Variants in NELL2 observed in about 807,000 individuals in gnomAD.
NELL2 encodes neural EGFL like 2.
Under a neutral mutation model 109.6 loss-of-function variants are expected in NELL2, and 41 were observed. That is an observed-to-expected ratio of 0.37 (90% CI 0.29 to 0.49). The LOEUF is 0.49. Ranked by LOEUF, NELL2 falls within the 20% of genes least tolerant of loss-of-function variation. NELL2 has a pLI of 0.98. For missense variants in NELL2, 900 were observed against 1,008.3 expected (o/e 0.89, Z 1.45); for synonymous variants, 355 against 344.7 (o/e 1.03, Z -0.33).
At chr12:44,769,993 T>C (rs1363288582) in intron 9 of NELL2, among the ~76,000 whole-genome samples, 1 of 152,130 alleles carries the variant, frequency 6.6e-6, no homozygotes, top group Non-Finnish European at 1.5e-5. Context: ...GAGAGTGGTC[T>C]TGGGGAAATC....
Position 44,570,104 on chromosome 12 carries a change from T to C in NELL2, c.1663+37065A>G, listed in dbSNP as rs143025070. On this transcript the variant is annotated intron_variant, in intron 15 of 19. Coordinates refer to ENST00000429094, the MANE Select transcript of NELL2 (RefSeq NM_001145108.2). ...CTATGGAAAACCAATTTAGTTTCAT[T>C]AATGAAAAGGAAGCACAATGTGATT... Among the ~76,000 whole-genome samples the C allele has an allele frequency of 3.9e-3, 590 of 152,320 alleles. 7 individuals are homozygous for C. The highest frequency in any genetic ancestry group is 0.013 in the African/African-American group (560 of 41,580).
At chr12:44,787,105 A>G (rs2136617958) in intron 3 of NELL2, among the ~76,000 whole-genome samples, 1 of 152,308 alleles carries the variant, frequency 6.6e-6, no homozygotes, top group Admixed American at 6.5e-5. Flanking sequence ...TGACATATAA[A>G]AATAATTATA....
intron 8 of NELL2, 118 bp downstream of exon 8, chr12:44,775,904 T>C (rs1041441146): frequency 1.1e-5 from 13 of 1,145,840 alleles, no homozygotes; most frequent in East Asian, 5.1e-5. Context: ...GTTGACACTT[T>C]AGTGTTGTGT....
intron 9 of NELL2, among the ~76,000 whole-genome samples, chr12:44,747,880 C>T (rs1020668676): frequency 6.6e-6 from 1 of 152,070 alleles, no homozygotes; most frequent in Non-Finnish European, 1.5e-5. Flanking sequence ...GCAGAGGAAA[C>T]CTGCATGCTA....
chr12:44,659,051 T>G (rs1456946842), intron 13 of NELL2, among the ~76,000 whole-genome samples: 1 of 151,682 alleles, frequency 6.6e-6, no homozygotes, highest in African/African-American at 2.4e-5. Context: ...ACACCACACA[T>G]CTATAAACAG....
At chr12:44,910,657 T>A (rs1402258285) in intron 1 of NELL2, among the ~76,000 whole-genome samples, 1 of 151,956 alleles carries the variant, frequency 6.6e-6, no homozygotes. Context: ...TACATGTACA[T>A]GTATGTTCAT....
In NELL2 at chr12:44,634,279, C is replaced by T. The variant is rs375538192; in HGVS notation, c.1445-23309G>A. ...CGGTGGTTTGCTGCACCCATCAACC[C>T]GTCATCTACATTAGGTATTTCTGCT... On this transcript the variant is annotated intron_variant, in intron 13 of 19. Transcript: ENST00000429094. Among the ~76,000 whole-genome samples the T allele has an allele frequency of 1.3e-3, 194 of 152,106 alleles. 1 individual carries two copies. Among genetic ancestry groups the T allele is most frequent in the African/African-American group, 4.3e-3 (177 of 41,492 alleles).
intron 19 of NELL2, among the ~76,000 whole-genome samples, chr12:44,517,649 T>C (rs1352333273): frequency 1.3e-5 from 2 of 152,114 alleles, no homozygotes; most frequent in African/African-American, 2.4e-5. Context: ...CTAGTGTAAC[T>C]AATAAATTAA....
rs1033243750 is a variant in NELL2, at chr12:44,682,337, G to A, written c.1319-16728C>T. On this transcript the variant is annotated intron_variant, in intron 12 of 19. Transcript: ENST00000429094. ...GTATTAGCCCTTTGTCAGATGAGTA[G>A]GTTGTGAAAATTTTCTCCCATTTTG... 6.6e-5 allele frequency among the ~76,000 whole-genome samples: 10 copies of A among 151,156 alleles called. No individual in the cohort carries two copies. In the East Asian group the frequency reaches 1.9e-3, roughly 29 times the overall value.
At chr12:44,881,874 G>A (rs1945415596) in intron 1 of NELL2, 1 of 151,720 alleles carries the variant, frequency 6.6e-6, no homozygotes, top group South Asian at 2.1e-4. Context: ...TATCAATAGA[G>A]AAGAAAAAAT....
chr12:44,518,314 A>G (rs1941367854), intron 19 of NELL2, among the ~76,000 whole-genome samples: 1 of 150,508 alleles, frequency 6.6e-6, no homozygotes, highest in Non-Finnish European at 1.5e-5. Flanking sequence ...GCACAATCTC[A>G]GCTCACTGCA....
intron 12 of NELL2, among the ~76,000 whole-genome samples, chr12:44,693,564 T>G (rs1480391680): frequency 2.6e-5 from 4 of 152,188 alleles, no homozygotes; most frequent in African/African-American, 9.6e-5. Flanking sequence ...CATTTATAAA[T>G]TTCAAAATCC....
At chr12:44,650,225 T>C (rs982001538) in intron 13 of NELL2, among the ~76,000 whole-genome samples, 2 of 152,150 alleles carry the variant, frequency 1.3e-5, no homozygotes, top group African/African-American at 4.8e-5. Context: ...TTAAAAGATA[T>C]TACATCTATT....
At chr12:44,715,759 C>T (rs1340173741) in intron 9 of NELL2, among the ~76,000 whole-genome samples, 3 of 152,054 alleles carry the variant, frequency 2.0e-5, no homozygotes, top group Non-Finnish European at 4.4e-5. Context: ...GCAATTTGTT[C>T]CCCAAATTTA....
At chr12:44,754,535 C>T (rs1285685760) in intron 9 of NELL2, among the ~76,000 whole-genome samples, 1 of 152,128 alleles carries the variant, frequency 6.6e-6, no homozygotes, top group Non-Finnish European at 1.5e-5. Flanking sequence ...GTTTAAGTTT[C>T]ATTAGTTTTA....
At chr12:44,763,413 C>T (rs1941204072) in intron 9 of NELL2, among the ~76,000 whole-genome samples, 1 of 152,124 alleles carries the variant, frequency 6.6e-6, no homozygotes, top group African/African-American at 2.4e-5. Context: ...AATACGTTAT[C>T]TACTGCATTT....
At chr12:44,812,296 T>A (rs1470963708) in intron 3 of NELL2, among the ~76,000 whole-genome samples, 1 of 152,148 alleles carries the variant, frequency 6.6e-6, no homozygotes, top group African/African-American at 2.4e-5. Flanking sequence ...AAGACCTTCA[T>A]ACCTAGATGT....
At chr12:44,908,721 T>A (rs1349555665) in intron 1 of NELL2, among the ~76,000 whole-genome samples, 1 of 151,956 alleles carries the variant, frequency 6.6e-6, no homozygotes, top group South Asian at 2.1e-4. Flanking sequence ...AGTAAATGAG[T>A]TGATGAAACT....
intron 12 of NELL2, among the ~76,000 whole-genome samples, chr12:44,683,662 C>A (rs576914203): frequency 2.9e-4 from 44 of 152,206 alleles, no homozygotes; most frequent in African/African-American, 8.4e-4. Context: ...GCCTTTTCTG[C>A]ATCTATTGAG....
Sources: allele counts gnomAD v4.1 joint callset (sites outside exome capture counted in the v4.1 genomes callset), GRCh38; gene constraint gnomAD v4.1.1; transcripts MANE v1.5; gene names NCBI Gene and HGNC (gene_info 2026-07-23, HGNC 2026-07-21).